Variants in CFAP99 observed in about 807,000 individuals in gnomAD.
CFAP99 encodes the protein cilia and flagella associated protein 99, also known as cilia- and flagella-associated protein 99.
Under a neutral mutation model 82.7 loss-of-function variants are expected in CFAP99, and 84 were observed. The ratio of observed to expected loss-of-function variants is 1.02; its 90% CI spans 0.85 to 1.22. The LOEUF is 1.22. Among genes scored for constraint, CFAP99 ranks in the 50% most tolerant of loss-of-function variants. The pLI is 0.00. For synonymous variants in CFAP99, 456 were observed against 429.5 expected (o/e 1.06, Z -0.76); for missense variants, 1,059 against 983.5 (o/e 1.08, Z -1.03).
intron 11 of CFAP99, among the ~76,000 whole-genome samples, chr4:2,458,086 G>A (rs1042554314): frequency 6.6e-6 from 1 of 152,166 alleles, no homozygotes; most frequent in African/African-American, 2.4e-5. Flanking sequence ...CTGCACTCCC[G>A]GCCTGAGGCG....
At chr4:2,447,363 T>G (rs1357635509) in intron 6 of CFAP99, among the ~76,000 whole-genome samples, 1 of 151,038 alleles carries the variant, frequency 6.6e-6, no homozygotes, top group African/African-American at 2.5e-5. Flanking sequence ...GGTGGATGGA[T>G]GGATGATTGG....
chr4:2,452,988 G>T lies in CFAP99; in HGVS notation c.1161+642G>T, dbSNP rs146220200. Reference sequence around the variant, plus strand: ...TGAGGTAGGAGGATCACGTGAGCCTGGAAGGTCAAGGTTGCAGTGAGCCGT... The same window carrying T: ...TGAGGTAGGAGGATCACGTGAGCCTTGAAGGTCAAGGTTGCAGTGAGCCGT... On this transcript the variant is annotated intron_variant, in intron 11 of 14. Transcript: ENST00000635017. 6.0e-3 allele frequency among the ~76,000 whole-genome samples: 917 copies of T among 152,282 alleles called. 4 individuals carry two copies. Among genetic ancestry groups the T allele is most frequent in the African/African-American group, 0.019 (780 of 41,554 alleles).
exon 10 of CFAP99, chr4:2,451,352 G>A: frequency 2.0e-6 from 3 of 1,535,240 alleles, no homozygotes; most frequent in Non-Finnish European, 2.6e-6. Flanking sequence ...GAGCTGCAGA[G>A]GTGAAGGGCG....
rs145900756 is a variant in CFAP99 at position 2,446,872 on chromosome 4, G to A, written c.642+1564G>A. On this transcript the variant is annotated intron_variant, in intron 6 of 14. Transcript: ENST00000635017. This position sits in a 1 kb window ranked among gnomAD's most constrained non-coding sequence, Gnocchi z 5.0. ...TGGTGAATGGATAGATGGATGATTGGATGGAGGAATGAATGGGTGGATGAA... is the reference window on the plus strand; with the variant it reads ...TGGTGAATGGATAGATGGATGATTGAATGGAGGAATGAATGGGTGGATGAA... 1.2e-3 allele frequency among the ~76,000 whole-genome samples: 184 copies of A among 151,620 alleles called. No homozygotes were observed. Among genetic ancestry groups the A allele is most frequent in the Non-Finnish European group, 2.1e-3 (145 of 67,904 alleles).
intron 5 of CFAP99, among the ~76,000 whole-genome samples, chr4:2,443,660 C>A (rs534128737): frequency 3.3e-5 from 5 of 152,110 alleles, no homozygotes; most frequent in Non-Finnish European, 7.4e-5. Context: ...CCCAAGAGTG[C>A]GGAGTAGGGG....
chr4:2,455,184 G>A lies in CFAP99; in HGVS notation c.1161+2838G>A, dbSNP rs76302600. 2.3e-3 allele frequency among the ~76,000 whole-genome samples: 352 copies of A among 152,352 alleles called. 1 individual carries two copies. Among genetic ancestry groups the A allele is most frequent in the African/African-American group, 7.3e-3 (302 of 41,588 alleles). ...CAAAATACTGGGATTACGGAAATGC[G>A]CCTCTGCGCCCAGCCTAATGTTCTT... On this transcript the variant is annotated intron_variant, in intron 11 of 14. Transcript: ENST00000635017.
chr4:2,423,308 C>T (rs1046405582), intron 1 of CFAP99, among the ~76,000 whole-genome samples: 1 of 152,222 alleles, frequency 6.6e-6, no homozygotes, highest in Admixed American at 6.5e-5. Flanking sequence ...GGTGGCCTGG[C>T]CTGCTGGGAC....
chr4:2,421,251 G>A (rs1156793684), intron 1 of CFAP99, among the ~76,000 whole-genome samples: 1 of 151,672 alleles, frequency 6.6e-6, no homozygotes, highest in Non-Finnish European at 1.5e-5. Context: ...TGAGAGTGTT[G>A]AGCTGTTTTG....
At chr4:2,423,166 C>T (rs1733617146) in intron 1 of CFAP99, among the ~76,000 whole-genome samples, 1 of 152,232 alleles carries the variant, frequency 6.6e-6, no homozygotes, top group South Asian at 2.1e-4. Flanking sequence ...GAGCAATGCC[C>T]CAGAAAAGTG....
chr4:2,462,574 C>A lies in CFAP99; in HGVS notation c.1793C>A (p.Ser598Ter). 1.4e-6 allele frequency: 2 copies of A among 1,432,838 alleles called. No homozygotes were observed. The highest frequency in any genetic ancestry group is 1.4e-5 in the South Asian group (1 of 71,696). 88.8% of individuals were successfully genotyped at this position (1,432,838 alleles called of 1,614,324 possible). ...AGGCAGGCGGCCTTGCTGCACGTGT[C>A]GGCGCCGCGGACCGCGCGCCCCAAG... The change falls in exon 15 of 15, where the codon TCG becomes TAG. Residue 598 changes from serine to a stop codon, truncating the protein, a stop_gained. Transcript: ENST00000635017. LOFTEE classifies it low-confidence loss of function (END_TRUNC). This position sits in a 1 kb window ranked among gnomAD's most constrained non-coding sequence, Gnocchi z 4.1.
At chr4:2,459,144 G>A (rs1277724867) in exon 13 of CFAP99, 2 of 1,534,360 alleles carry the variant, frequency 1.3e-6, no homozygotes, top group Admixed American at 3.9e-5. Flanking sequence ...GGCTGCTGCA[G>A]CGCAGGGCGC....
At position 2,446,721 on chromosome 4, in the gene CFAP99, T is replaced by G. The variant is rs1187401510; in HGVS notation, c.642+1413T>G. Among the ~76,000 whole-genome samples, 1 of 152,196 alleles carries G rather than the reference T, an allele frequency of 6.6e-6. No homozygotes were observed. Among genetic ancestry groups the G allele is most frequent in the Non-Finnish European group, 1.5e-5 (1 of 68,044 alleles). ...GGTCCCATATTCTCAATGCCTAGCC[T>G]AGTCATGGCTCAAAGCAGAACCTCA... On this transcript the variant is annotated intron_variant, in intron 6 of 14. Coordinates refer to ENST00000635017, the Ensembl canonical transcript of CFAP99. This position sits in a 1 kb window ranked among gnomAD's most constrained non-coding sequence, Gnocchi z 5.0.
chr4:2,442,647 G>A (rs545245972), intron 4 of CFAP99, among the ~76,000 whole-genome samples: 11 of 152,192 alleles, frequency 7.2e-5, no homozygotes, highest in South Asian at 6.2e-4. Flanking sequence ...CCGGACCCTC[G>A]GCTCCCCATC....
At chr4:2,449,876 G>A (rs1734260779) in intron 7 of CFAP99, 58 bp from the exon 8 acceptor site, 6 of 1,531,090 alleles carry the variant, frequency 3.9e-6, no homozygotes, top group Non-Finnish European at 5.3e-6. Context: ...TCCTCCCATG[G>A]CCTGGAGGAC....
At chr4:2,444,908 C>T (rs1357159922) in intron 5 of CFAP99, among the ~76,000 whole-genome samples, 1 of 152,166 alleles carries the variant, frequency 6.6e-6, no homozygotes, top group Non-Finnish European at 1.5e-5. Context: ...TTTCCTGTAT[C>T]TGTACAAGGG....
chr4:2,453,831 T>A (rs1358477795), intron 11 of CFAP99, among the ~76,000 whole-genome samples: 1 of 147,174 alleles, frequency 6.8e-6, no homozygotes, highest in African/African-American at 2.5e-5. Flanking sequence ...TTTTTTTTTT[T>A]AAGATGGAAG....
Position 2,419,264 on chromosome 4 carries a change from T to C in CFAP99, c.-18+171T>C, listed in dbSNP as rs532027608. Among the ~76,000 whole-genome samples the C allele has an allele frequency of 9.2e-5, 14 of 151,706 alleles. No individual in the cohort carries two copies. In the South Asian group the frequency reaches 2.7e-3, roughly 29 times the overall value. On this transcript the variant is annotated intron_variant, in intron 1 of 14. Transcript: ENST00000635017. Reference sequence around the variant, plus strand: ...TCTTTTTTTTTTTTTAAATCACCACTATCAGCGGTGCGTTCTAAAAAGATA... The same window carrying C: ...TCTTTTTTTTTTTTTAAATCACCACCATCAGCGGTGCGTTCTAAAAAGATA...
intron 2 of CFAP99, among the ~76,000 whole-genome samples, chr4:2,436,388 A>G (rs1288938216): frequency 6.6e-6 from 1 of 152,238 alleles, no homozygotes; most frequent in Admixed American, 6.5e-5. Context: ...AATACATGAC[A>G]TAAAATGTAC....
chr4:2,426,706 G>A (rs895595987), intron 2 of CFAP99, 120 bp downstream of exon 2: 13 of 690,494 alleles, frequency 1.9e-5, no homozygotes, highest in Non-Finnish European at 3.0e-5. Flanking sequence ...GGGAGAAGCT[G>A]ACCGTGTTTT....
Sources: gnomAD v4.1 joint callset for allele counts (sites outside exome capture counted in the v4.1 genomes callset) on GRCh38, gnomAD v4.1.1 for gene constraint, Gnocchi (gnomAD v3.1) non-coding constraint, MANE v1.5 for transcripts, NCBI Gene and HGNC (gene_info 2026-07-23, HGNC 2026-07-21) for gene names.